Variants in PPP6R3 observed in about 807,000 individuals in gnomAD.
PPP6R3 encodes the protein protein phosphatase 6 regulatory subunit 3, also known as serine/threonine-protein phosphatase 6 regulatory subunit 3.
PPP6R3 carries 38 observed loss-of-function variants against 110.7 expected under a neutral mutation model. The observed-to-expected ratio is 0.34, with a 90% confidence interval of 0.26 to 0.45. The LOEUF (loss-of-function observed/expected upper bound fraction) is 0.45, where lower values mean the gene tolerates loss of function less well. Ranked by LOEUF, PPP6R3 falls within the 20% of genes least tolerant of loss-of-function variation. The pLI is 1.00. For synonymous variants in PPP6R3, 369 were observed against 373.5 expected (o/e 0.99, Z 0.14); for missense variants, 870 against 1,062.4 (o/e 0.82, Z 2.52).
intron 19 of PPP6R3, among the ~76,000 whole-genome samples, chr11:68,597,937 GC>G (rs1485282959): frequency 2.0e-5 from 3 of 151,900 alleles, no homozygotes; most frequent in African/African-American, 7.3e-5. Context: ...CCAAGATCAT[GC>G]TGTGCACTCC....
rs569006482 is a variant in PPP6R3 at position 68,484,507 on chromosome 11, C to G, written c.-158+23680C>G. Among the ~76,000 whole-genome samples the G allele has an allele frequency of 2.0e-5, 3 of 151,942 alleles. No homozygotes were observed. In the East Asian group the frequency reaches 5.8e-4, roughly 29 times the overall value. ...TTACTTGCTGTCTGTAATGTTTGCT[C>G]AGGTCTTTTGTCCATTTTTTAATCA... On this transcript the variant is annotated intron_variant, in intron 1 of 23. Transcript: ENST00000393800.
intron 15 of PPP6R3, among the ~76,000 whole-genome samples, chr11:68,585,062 G>A (rs542071234): frequency 2.0e-5 from 3 of 152,310 alleles, no homozygotes; most frequent in East Asian, 1.9e-4. Flanking sequence ...TAAAGTCCCC[G>A]AATGTAGAGA....
Position 68,614,617 on chromosome 11 carries a change from CTTTTTCA to C in PPP6R3, c.*1505_*1511del. ...CTAATGCCTTATTATTTCTGATTTCCTTTTTCATTTTAAGTGGTGTGGAGATTCCAGC... is the reference window on the plus strand; with the variant it reads ...CTAATGCCTTATTATTTCTGATTTCCTTTTAAGTGGTGTGGAGATTCCAGC... On this transcript the variant is annotated 3_prime_UTR_variant, in exon 24 of 24. Transcript: ENST00000393800. 1.3e-6 allele frequency: 2 copies of C among 1,515,206 alleles called. No homozygotes were observed. Among genetic ancestry groups the C allele is most frequent in the Non-Finnish European group, 1.8e-6 (2 of 1,138,874 alleles). The allele number at this position is 1,515,206 out of a possible 1,614,324, so 93.9% of individuals were successfully genotyped here.
chr11:68,611,676 T>TTCA (rs1389446900), intron 23 of PPP6R3, among the ~76,000 whole-genome samples: 1 of 152,076 alleles, frequency 6.6e-6, no homozygotes, highest in Non-Finnish European at 1.5e-5. Context: ...TAGAGGCACA[T>TTCA]TCATCAAGAA....
intron 1 of PPP6R3, among the ~76,000 whole-genome samples, chr11:68,502,530 C>T (rs1314746622): frequency 1.3e-5 from 2 of 152,182 alleles, no homozygotes; most frequent in African/African-American, 2.4e-5. Flanking sequence ...AATTAGGAAG[C>T]TGTGTCCAAA....
Position 68,470,536 on chromosome 11 carries a change from T to C in PPP6R3, c.-158+9709T>C, listed in dbSNP as rs374098697. ...TTAAGATTTTGTCTTTTTCTCTGAGTGAGATGGGTAAGTCATTTGGTGTTT... is the reference window on the plus strand; with the variant it reads ...TTAAGATTTTGTCTTTTTCTCTGAGCGAGATGGGTAAGTCATTTGGTGTTT... On this transcript the variant is annotated intron_variant, in intron 1 of 23. Coordinates refer to ENST00000393800, the MANE Select transcript of PPP6R3 (RefSeq NM_001164161.2). Among the ~76,000 whole-genome samples, 41 of 151,988 alleles carry C rather than the reference T, an allele frequency of 2.7e-4. No individual in the cohort carries two copies. In the South Asian group the frequency reaches 8.1e-3, roughly 30 times the overall value.
At chr11:68,524,941 G>T (rs539872654) in intron 2 of PPP6R3, among the ~76,000 whole-genome samples, 1 of 152,304 alleles carries the variant, frequency 6.6e-6, no homozygotes, top group African/African-American at 2.4e-5. Context: ...TCCTCTTCCT[G>T]AACTTGTCCT....
chr11:68,554,308 T>C (rs1452152897), intron 7 of PPP6R3, 51 bp downstream of exon 7: 3 of 1,388,888 alleles, frequency 2.2e-6, no homozygotes, highest in East Asian at 4.7e-5. Context: ...TGCTGTTCCA[T>C]GTGTTACCAT....
intron 2 of PPP6R3, among the ~76,000 whole-genome samples, chr11:68,528,433 T>TGA (rs779975588): frequency 5.5e-5 from 7 of 127,550 alleles, no homozygotes; most frequent in African/African-American, 2.1e-4. Context: ...TTTGTGTGTG[T>TGA]GGGGGGGGGG....
chr11:68,507,006 A>G (rs2099082068), intron 1 of PPP6R3, among the ~76,000 whole-genome samples: 1 of 152,174 alleles, frequency 6.6e-6, no homozygotes, highest in African/African-American at 2.4e-5. Flanking sequence ...GCCTTATTCT[A>G]GATGTTGATG....
chr11:68,498,079 T>C (rs2099028321), intron 1 of PPP6R3, among the ~76,000 whole-genome samples: 1 of 152,210 alleles, frequency 6.6e-6, no homozygotes. Context: ...TTGGACATTA[T>C]TATATATGAC....
chr11:68,604,371 C>A (rs1311901226), intron 22 of PPP6R3, among the ~76,000 whole-genome samples: 1 of 152,192 alleles, frequency 6.6e-6, no homozygotes, highest in East Asian at 1.9e-4. Context: ...TAAAGCTGTT[C>A]ATGATTTTCT....
chr11:68,463,324 A>G (rs1168879820), intron 1 of PPP6R3, among the ~76,000 whole-genome samples: 2 of 147,734 alleles, frequency 1.4e-5, no homozygotes, highest in African/African-American at 5.0e-5. Flanking sequence ...AGCCAAGTCC[A>G]GCCTAGGAGA....
intron 16 of PPP6R3, among the ~76,000 whole-genome samples, chr11:68,590,006 C>T (rs774061659): frequency 1.3e-5 from 2 of 152,208 alleles, no homozygotes; most frequent in African/African-American, 2.4e-5. Flanking sequence ...TGTTTGGTGT[C>T]TCGACATTCA....
chr11:68,521,100 T>C (rs2099162299), intron 2 of PPP6R3, among the ~76,000 whole-genome samples: 2 of 152,170 alleles, frequency 1.3e-5, no homozygotes, highest in South Asian at 4.1e-4. Flanking sequence ...GTTCTTTGTA[T>C]TTGAATTCAC....
intron 2 of PPP6R3, among the ~76,000 whole-genome samples, chr11:68,530,729 A>C (rs1287577163): frequency 6.6e-6 from 1 of 152,170 alleles, no homozygotes; most frequent in Non-Finnish European, 1.5e-5. Flanking sequence ...AGCCATCATA[A>C]TCTTTGAATC....
intron 22 of PPP6R3, 75 bp downstream of exon 22, chr11:68,603,567 A>C (rs748095937): frequency 1.2e-5 from 18 of 1,549,590 alleles, no homozygotes; most frequent in African/African-American, 5.5e-5. Flanking sequence ...CAAACATTAA[A>C]ATTTTTAATT....
At chr11:68,483,882 A>G (rs148711008) in intron 1 of PPP6R3, among the ~76,000 whole-genome samples, 6 of 152,336 alleles carry the variant, frequency 3.9e-5, no homozygotes, top group East Asian at 3.9e-4. Context: ...TGCCTCATCT[A>G]TTCATCCTTA....
chr11:68,515,957 C>T, intron 1 of PPP6R3, among the ~76,000 whole-genome samples: 1 of 152,102 alleles, frequency 6.6e-6, no homozygotes, highest in East Asian at 1.9e-4. Context: ...TAATAGTATA[C>T]CTTCATAACA....
Sources: gnomAD v4.1 joint callset for allele counts (sites outside exome capture counted in the v4.1 genomes callset) on GRCh38, gnomAD v4.1.1 for gene constraint, MANE v1.5 for transcripts, NCBI Gene and HGNC (gene_info 2026-07-23, HGNC 2026-07-21) for gene names.